Variants in POLH observed in about 807,000 individuals in gnomAD.
POLH encodes DNA polymerase eta transcript.
A neutral mutation model predicts 73.6 loss-of-function variants in POLH; 53 were observed. That is an observed-to-expected ratio of 0.72 (90% CI 0.58 to 0.91). POLH has a LOEUF of 0.91. POLH is among the 40% of genes least tolerant of loss of function. The pLI is 0.00. For synonymous variants in POLH, 292 were observed against 308.5 expected, an observed-to-expected ratio of 0.95 and a Z score of 0.56; for missense variants, 768 against 865.4, an observed-to-expected ratio of 0.89 and a Z score of 1.41.
intron 1 of POLH, among the ~76,000 whole-genome samples, chr6:43,580,922 C>A (rs1454788721): frequency 7.1e-6 from 1 of 141,204 alleles, no homozygotes; most frequent in Non-Finnish European, 1.6e-5. Flanking sequence ...CCGGACGGCA[C>A]GGCTGGCCAG....
chr6:43,581,176 A>G (rs1385444465), intron 1 of POLH, among the ~76,000 whole-genome samples: 5 of 139,890 alleles, frequency 3.6e-5, no homozygotes, highest in Non-Finnish European at 6.2e-5. Flanking sequence ...CACTTCTCAG[A>G]CGGGGCAGCC....
At chr6:43,595,552 C>T (rs1765950577) in intron 4 of POLH, among the ~76,000 whole-genome samples, 1 of 152,080 alleles carries the variant, frequency 6.6e-6, no homozygotes, top group South Asian at 2.1e-4. Flanking sequence ...TCAAGACTAT[C>T]CTGGCTAACA....
rs1258059965 is a variant in POLH, at chr6:43,581,699, C to T, written c.-4-617C>T. ...TCGGGCGGCGGCGGCTGCGGTCGGT[C>T]GCGGCAGCGGCTCCGCTTCATATCT... is the stretch of plus-strand genomic sequence containing the variant. On this transcript the variant is annotated intron_variant, in intron 1 of 10. Transcript: ENST00000372236. Among the ~76,000 whole-genome samples, 5 of 132,400 alleles carry T rather than the reference C, an allele frequency of 3.8e-5. 1 individual carries two copies. Among genetic ancestry groups the T allele is most frequent in the South Asian group, 4.5e-4 (2 of 4,460 alleles). 86.9% of individuals were successfully genotyped at this position (132,400 alleles called of 152,430 possible). A position where few individuals can be genotyped will look rare whatever the true frequency, so the allele number is the denominator to read the frequency against.
intron 4 of POLH, among the ~76,000 whole-genome samples, chr6:43,597,133 T>G (rs1273723118): frequency 6.6e-6 from 1 of 152,158 alleles, no homozygotes; most frequent in African/African-American, 2.4e-5. Flanking sequence ...TTATTATTTT[T>G]GAGATGAAGT....
chr6:43,614,452 T>C lies in POLH; in HGVS notation c.2037T>C (p.His679=). ...SNPQVVSAVS[H]QGKRNPKSPL... ...CCCAGGTTGTTTCTGCCGTATCTCA[T>C]CAAGGCAAAAGAAATCCCAAGAGCC... The change falls in exon 11 of 11, where the codon CAT becomes CAC. Residue 679 remains histidine (H), a synonymous_variant. Coordinates refer to ENST00000372236, the MANE Select transcript of POLH (RefSeq NM_006502.3). 1 of 1,614,188 alleles carries C rather than the reference T, an allele frequency of 6.2e-7. No individual in the cohort carries two copies.
chr6:43,610,654 C>T lies in POLH; in HGVS notation c.1175C>T (p.Ala392Val), dbSNP rs1194375613. The change falls in exon 10 of 11, where the codon GCT becomes GTT. Residue 392 changes from alanine to valine, a missense_variant. Physicochemically the swap from Ala to Val is moderately conservative, Grantham distance 64. Transcript: ENST00000372236. ...TGCTGTGCCCTTACCCGCTATGATG[C>T]TCACAAGATGAGCCATGATGCATTT... ...RRCCALTRYD[A>V]HKMSHDAFTV... 1.2e-6 allele frequency: 2 copies of T among 1,613,744 alleles called. No individual in the cohort carries two copies. Among genetic ancestry groups the T allele is most frequent in the Admixed American group, 1.7e-5 (1 of 60,008 alleles).
chr6:43,608,630 G>C (rs1323599146), intron 9 of POLH, among the ~76,000 whole-genome samples: 3 of 152,170 alleles, frequency 2.0e-5, no homozygotes, highest in African/African-American at 4.8e-5. Flanking sequence ...CTGGGCTCAA[G>C]TAATCCTCCT....
At chr6:43,606,277 T>G (rs180931318) in intron 9 of POLH, among the ~76,000 whole-genome samples, 1 of 152,260 alleles carries the variant, frequency 6.6e-6, no homozygotes, top group East Asian at 1.9e-4. Context: ...CTACTTTATA[T>G]CCTTTTACTT....
intron 3 of POLH, among the ~76,000 whole-genome samples, chr6:43,584,876 C>T (rs1317408001): frequency 2.0e-5 from 3 of 152,172 alleles, no homozygotes; most frequent in Admixed American, 1.3e-4. Context: ...CATGGTGGCT[C>T]ACGCCTGTAA....
intron 6 of POLH, among the ~76,000 whole-genome samples, chr6:43,601,527 A>G (rs1008498587): frequency 6.6e-6 from 1 of 151,822 alleles, no homozygotes; most frequent in Non-Finnish European, 1.5e-5. Context: ...CAGCCTCCCA[A>G]AGTGTTGGGA....
At chr6:43,605,994 G>T (rs1426148436) in intron 9 of POLH, among the ~76,000 whole-genome samples, 4 of 152,092 alleles carry the variant, frequency 2.6e-5, no homozygotes, top group Admixed American at 2.6e-4. Flanking sequence ...AAAGTGTTGG[G>T]ATTACAGACA....
intron 3 of POLH, among the ~76,000 whole-genome samples, chr6:43,583,903 G>A (rs898358369): frequency 1.3e-5 from 2 of 152,192 alleles, no homozygotes; most frequent in Non-Finnish European, 2.9e-5. Flanking sequence ...GAGGCGGGCA[G>A]ATCACTTGAG....
rs60046548 is a variant in POLH at position 43,619,364 on chromosome 6, CAAA to C, written c.*4835_*4837del. On this transcript the variant is annotated 3_prime_UTR_variant, in exon 11 of 11. Transcript: ENST00000372236. ...TGGGTGACAGTCTGAGACCCTGTCT[CAAA>C]AAAAAAAAAAAAAAAAAAAAAAAAA... is the stretch of plus-strand genomic sequence containing the variant. Among the ~76,000 whole-genome samples, 772 of 36,776 alleles carry C rather than the reference CAAA, an allele frequency of 0.021. 1 individual carries two copies. The highest frequency in any genetic ancestry group is 0.043 in the African/African-American group (731 of 16,902). 24.1% of individuals were successfully genotyped at this position (36,776 alleles called of 152,430 possible). A position where few individuals can be genotyped will look rare whatever the true frequency, so the allele number is the denominator to read the frequency against.
At chr6:43,606,260 G>A (rs866024586) in intron 9 of POLH, among the ~76,000 whole-genome samples, 11 of 150,674 alleles carry the variant, frequency 7.3e-5, no homozygotes, top group Middle Eastern at 3.5e-3. Context: ...TTCACCCTAC[G>A]TGTCTGCTAC....
intron 5 of POLH, among the ~76,000 whole-genome samples, chr6:43,599,946 G>T (rs528298036): frequency 6.6e-6 from 1 of 152,140 alleles, no homozygotes; most frequent in African/African-American, 2.4e-5. Context: ...ATCACCTGAG[G>T]TTGGGAGTTC....
rs376764389 is a variant in POLH at position 43,590,493 on chromosome 6, ACT to A, written c.490+3007_490+3008del. 6.1e-3 allele frequency among the ~76,000 whole-genome samples: 931 copies of A among 151,486 alleles called. 5 individuals are homozygous for A. Among genetic ancestry groups the A allele is most frequent in the African/African-American group, 0.021 (866 of 41,276 alleles). On this transcript the variant is annotated intron_variant, in intron 4 of 10. Transcript: ENST00000372236. ...TTTTGTTTTTCTTTGAGACAGAGCCACTCTGTCACCCAGGCTGGAGTGCAGTG... is the reference window on the plus strand; with the variant it reads ...TTTTGTTTTTCTTTGAGACAGAGCCACTGTCACCCAGGCTGGAGTGCAGTG...
At chr6:43,585,026 T>C (rs1174423059) in intron 3 of POLH, among the ~76,000 whole-genome samples, 1 of 152,046 alleles carries the variant, frequency 6.6e-6, no homozygotes, top group Non-Finnish European at 1.5e-5. Context: ...AGACATGGTG[T>C]TGTGCAGCTC....
Position 43,605,296 on chromosome 6 carries a change from AGACT to A in POLH, c.1056_1059del (p.Thr353LysfsTer9). On this transcript the variant is annotated frameshift_variant, in exon 9 of 11. Transcript: ENST00000372236. LOFTEE classifies it high-confidence loss of function. ...GCAATTAGCCCAGGAACTAGAGGAG[AGACT>A]GACTAAAGACCGAAATGATGTAAGA... 1 of 1,594,916 alleles carries A rather than the reference AGACT, an allele frequency of 6.3e-7. No individual in the cohort carries two copies. Among genetic ancestry groups the A allele is most frequent in the Non-Finnish European group, 8.6e-7 (1 of 1,162,868 alleles).
rs368653333 is a variant in POLH at position 43,577,911 on chromosome 6, C to T, written c.-5+1471C>T. 5.5e-3 allele frequency among the ~76,000 whole-genome samples: 828 copies of T among 150,786 alleles called. 6 individuals carry two copies. The highest frequency in any genetic ancestry group is 0.019 in the African/African-American group (783 of 40,986). ...CATCCTGGCTAACACGGTGAAACCCCGTCTCTACTAAAAATACAAAAAATT... is the reference window on the plus strand; with the variant it reads ...CATCCTGGCTAACACGGTGAAACCCTGTCTCTACTAAAAATACAAAAAATT... On this transcript the variant is annotated intron_variant, in intron 1 of 10. Coordinates refer to ENST00000372236, the MANE Select transcript of POLH (RefSeq NM_006502.3).
Sources: gnomAD v4.1 joint callset for allele counts (sites outside exome capture counted in the v4.1 genomes callset) on GRCh38, gnomAD v4.1.1 for gene constraint, MANE v1.5 for transcripts, NCBI Gene and HGNC (gene_info 2026-07-23, HGNC 2026-07-21) for gene names.